XPO1: variants seen among roughly 807,000 people sequenced by gnomAD.
XPO1 encodes the protein exportin 1, also known as exportin-1.
Under a neutral mutation model 133.3 loss-of-function variants are expected in XPO1, and 5 were observed. The observed-to-expected ratio is 0.04, with a 90% CI of 0.02 to 0.08. XPO1 has a LOEUF of 0.08. XPO1 is among the 10% of genes least tolerant of loss of function. The pLI, the probability that XPO1 is intolerant of heterozygous loss-of-function variation, is 1.00. For synonymous variants in XPO1, 419 were observed against 408.2 expected (o/e 1.03, Z -0.32); for missense variants, 506 against 1,267.5 (o/e 0.40, Z 9.12).
chr2:61,512,393 A>G (rs1448604190), intron 4 of XPO1, among the ~76,000 whole-genome samples: 1 of 152,240 alleles, frequency 6.6e-6, no homozygotes, highest in African/African-American at 2.4e-5. Context: ...TCAACGAACT[A>G]TGAAAAGACT....
At chr2:61,501,934 G>T in intron 6 of XPO1, 62 bp downstream of exon 6, 1 of 1,400,662 alleles carries the variant, frequency 7.1e-7, no homozygotes, top group South Asian at 1.3e-5. Context: ...TAAGTAGGTC[G>T]AACATTTTGT....
intron 2 of XPO1, among the ~76,000 whole-genome samples, chr2:61,530,016 G>A (rs1030385284): frequency 2.0e-5 from 3 of 152,200 alleles, no homozygotes; most frequent in Non-Finnish European, 2.9e-5. Context: ...ACAGAAGGCC[G>A]AAAGAATAAT....
rs1005664917 is a variant in XPO1, at chr2:61,478,185, G to GCA, written c.*633_*634dup. On this transcript the variant is annotated 3_prime_UTR_variant, in exon 25 of 25. Transcript: ENST00000401558. ...AAAAAGCTGTTGTCGACAAGCGACA[G>GCA]CACACACACACAAAAACAAAAAGAA... 6.9e-5 allele frequency: 16 copies of GCA among 233,232 alleles called. No homozygotes were observed. Among genetic ancestry groups the GCA allele is most frequent in the African/African-American group, 2.4e-4 (11 of 45,306 alleles). The allele number at this position is 233,232 out of a possible 1,614,324, so 14.4% of individuals were successfully genotyped here.
At chr2:61,486,075 G>C (rs201148096) in intron 19 of XPO1, 113 bp from the exon 20 acceptor site, 6 of 291,370 alleles carry the variant, frequency 2.1e-5, no homozygotes, top group Non-Finnish European at 2.1e-5. Flanking sequence ...CTGAAAACAG[G>C]AAAATCTTGT....
At chr2:61,479,113 C>G in intron 24 of XPO1, 147 bp from the exon 25 acceptor site, 1 of 860,404 alleles carries the variant, frequency 1.2e-6, no homozygotes, top group Non-Finnish European at 1.7e-6. Context: ...GATAGTGACA[C>G]AGTATACTAC....
intron 2 of XPO1, among the ~76,000 whole-genome samples, chr2:61,529,602 C>G (rs1298770767): frequency 6.7e-6 from 1 of 150,134 alleles, no homozygotes; most frequent in Admixed American, 6.7e-5. Context: ...GCGGAGGTTG[C>G]AGTGATTTGA....
chr2:61,535,471 T>C (rs1699318127), intron 1 of XPO1, among the ~76,000 whole-genome samples: 1 of 152,220 alleles, frequency 6.6e-6, no homozygotes, highest in African/African-American at 2.4e-5. Flanking sequence ...CTTTACATTA[T>C]ATTTAGACAA....
intron 4 of XPO1, among the ~76,000 whole-genome samples, chr2:61,516,737 A>G (rs996443210): frequency 1.3e-5 from 2 of 151,966 alleles, no homozygotes; most frequent in South Asian, 4.1e-4. Context: ...TTATCAATCA[A>G]TGAAATGATC....
intron 3 of XPO1, 179 bp downstream of exon 3, chr2:61,526,241 C>T: frequency 3.6e-6 from 5 of 1,403,262 alleles, no homozygotes; most frequent in Non-Finnish European, 3.7e-6. Context: ...AAACTTCATT[C>T]ATAATTCTTA....
chr2:61,528,287 A>G (rs1000221675), intron 2 of XPO1, among the ~76,000 whole-genome samples: 11 of 152,242 alleles, frequency 7.2e-5, no homozygotes, highest in Admixed American at 2.0e-4. Context: ...GCATGTGTGT[A>G]AATTTCATGA....
chr2:61,496,837 A>G, intron 10 of XPO1, 42 bp downstream of exon 10: 1 of 1,471,722 alleles, frequency 6.8e-7, no homozygotes, highest in Non-Finnish European at 9.0e-7. Context: ...TTTCTAAGGC[A>G]CTAAAATTAT....
chr2:61,516,641 G>A (rs923480037), intron 4 of XPO1, among the ~76,000 whole-genome samples: 5 of 151,684 alleles, frequency 3.3e-5, no homozygotes, highest in Non-Finnish European at 5.9e-5. Context: ...CTCGAACTCC[G>A]GACCTCAGGT....
intron 17 of XPO1, among the ~76,000 whole-genome samples, chr2:61,489,433 A>G (rs965807745): frequency 1.3e-5 from 2 of 151,192 alleles, no homozygotes; most frequent in Non-Finnish European, 2.9e-5. Flanking sequence ...AAAAATCCAC[A>G]TAATTACCAA....
At position 61,536,192 on chromosome 2, in the gene XPO1, A is replaced by T. The variant is rs554919275; in HGVS notation, c.-7+1370T>A. The T allele has an allele frequency of 2.0e-5, 3 of 152,346 alleles. No individual in the cohort carries two copies. The South Asian group carries it at 6.2e-4, about 32-fold the overall frequency. The allele number at this position is 152,346 out of a possible 1,614,324, so 9.4% of individuals were successfully genotyped here. ...CCTTAGAACTAGCGGCTATCTTCGA[A>T]ATCACCTACCTATTCCTGAACTGTA... On this transcript the variant is annotated intron_variant, in intron 1 of 24. Transcript: ENST00000401558.
At chr2:61,502,176 A>T in intron 5 of XPO1, 73 bp downstream of exon 5, 1 of 1,561,564 alleles carries the variant, frequency 6.4e-7, no homozygotes, top group Middle Eastern at 1.7e-4. Context: ...GTCTTGACAG[A>T]ATTAGGTTGT....
intron 18 of XPO1, 100 bp downstream of exon 18, chr2:61,488,488 C>T: frequency 7.5e-7 from 1 of 1,335,816 alleles, no homozygotes; most frequent in South Asian, 1.4e-5. Context: ...AATGGGAGGT[C>T]TGATTTAAAT....
At position 61,488,401 on chromosome 2, in the gene XPO1, GA is replaced by G. The variant is rs1696798598; in HGVS notation, c.2207-131del. 3 of 1,199,020 alleles carry G rather than the reference GA, an allele frequency of 2.5e-6. No homozygotes were observed. In the South Asian group the frequency reaches 4.5e-5, roughly 18 times the overall value. The allele number at this position is 1,199,020 out of a possible 1,614,324, so 74.3% of individuals were successfully genotyped here. ...GCCAAAAGTTCACAAAATTTATTGG[GA>G]AAATAAGCTTTAAGACTAATTTTAA... On this transcript the variant is annotated intron_variant, in intron 18 of 24. Transcript: ENST00000401558.
chr2:61,480,071 G>A (rs889155919), intron 24 of XPO1, among the ~76,000 whole-genome samples: 5 of 151,142 alleles, frequency 3.3e-5, no homozygotes, highest in Non-Finnish European at 7.4e-5. Context: ...CACCATGTTG[G>A]CCGGGCTGAT....
chr2:61,534,820 ATAACT>A (rs1479466915), intron 1 of XPO1: 3 of 152,220 alleles, frequency 2.0e-5, no homozygotes, highest in Non-Finnish European at 2.9e-5. Flanking sequence ...CTCTACAGAA[ATAACT>A]TAGCTTCTAC....
Sources: allele counts gnomAD v4.1 joint callset (sites outside exome capture counted in the v4.1 genomes callset), GRCh38; gene constraint gnomAD v4.1.1; transcripts MANE v1.5; gene names NCBI Gene and HGNC (gene_info 2026-07-23, HGNC 2026-07-21).